Variants in PPFIBP2 observed in about 807,000 individuals in gnomAD.
PPFIBP2 encodes the protein liprin-beta-2.
A neutral mutation model predicts 118.3 loss-of-function variants in PPFIBP2; 118 were observed. The ratio of observed to expected loss-of-function variants is 1.00; its 90% CI spans 0.86 to 1.16. The LOEUF is 1.16. PPFIBP2 is among the 50% of genes most tolerant of loss of function. The probability of loss-of-function intolerance (pLI) is 0.00; values close to 1 mark genes in which losing one functional copy is unlikely to be tolerated. For missense variants in PPFIBP2, 1,195 were observed against 1,073.1 expected (o/e 1.11, Z -1.59); for synonymous variants, 414 against 397.4 (o/e 1.04, Z -0.50).
chr11:7,567,301 C>G (rs1156301234), intron 3 of PPFIBP2, among the ~76,000 whole-genome samples: 2 of 152,192 alleles, frequency 1.3e-5, no homozygotes, highest in African/African-American at 4.8e-5. Context: ...ACTTTTAAAA[C>G]AGTTTTTGGA....
At chr11:7,661,734 G>A (rs1590849710), downstream of PPFIBP2, among the ~76,000 whole-genome samples, 2 of 86,732 alleles carry the variant, frequency 2.3e-5, 1 homozygote, top group South Asian at 8.2e-4. Flanking sequence ...TCTGTCTAAT[G>A]TTGACAGTGG....
intron 2 of PPFIBP2, among the ~76,000 whole-genome samples, chr11:7,556,695 T>C (rs1027206411): frequency 2.2e-4 from 34 of 152,216 alleles, no homozygotes; most frequent in Non-Finnish European, 7.3e-5. Context: ...ATAGATTGTA[T>C]TAGTCGTCAT....
At chr11:7,543,686 G>A (rs1852012129) in intron 1 of PPFIBP2, among the ~76,000 whole-genome samples, 1 of 152,200 alleles carries the variant, frequency 6.6e-6, no homozygotes, top group African/African-American at 2.4e-5. Flanking sequence ...CAGCGTGGGT[G>A]GAGTAAACAA....
chr11:7,581,840 G>T (rs977062506), intron 3 of PPFIBP2, among the ~76,000 whole-genome samples: 5 of 150,504 alleles, frequency 3.3e-5, no homozygotes, highest in Admixed American at 6.6e-5. Context: ...TAGATAGATA[G>T]ATTTTTTTTT....
the PPFIBP2 span, chr11:7,666,320 C>T: frequency 1.6e-6 from 1 of 642,360 alleles, no homozygotes; most frequent in Non-Finnish European, 2.8e-6. Context: ...CCATCTGGAG[C>T]CAGAGCCCCA....
chr11:7,515,301 AT>A (rs1849138267), intron 1 of PPFIBP2, among the ~76,000 whole-genome samples: 1 of 152,204 alleles, frequency 6.6e-6, no homozygotes, highest in Non-Finnish European at 1.5e-5. Flanking sequence ...TAGTAATACT[AT>A]TTTAAGATTT....
chr11:7,562,719 C>T (rs1854433428), intron 2 of PPFIBP2, among the ~76,000 whole-genome samples: 1 of 151,758 alleles, frequency 6.6e-6, no homozygotes, highest in African/African-American at 2.4e-5. Context: ...GTTTCTTCTT[C>T]CCTTAGTTTT....
In PPFIBP2 at chr11:7,642,302, C is replaced by G; in HGVS notation, c.1522C>G (p.Arg508Gly). ...KGIKKFWGKIRRTQSGNFYTD... is the reference protein window; with the variant it reads ...KGIKKFWGKIGRTQSGNFYTD... ...CATGGATTCTTCTCCATGCAGAATCCGAAGAACTCAGTCAGGAAATTTCTA... is the reference window on the plus strand; with the variant it reads ...CATGGATTCTTCTCCATGCAGAATCGGAAGAACTCAGTCAGGAAATTTCTA... The change falls in exon 17 of 24, where the codon CGA (arginine) becomes GGA (glycine). Residue 508 changes from arginine (R) to glycine (G), a missense_variant. Coordinates refer to ENST00000299492, the MANE Select transcript of PPFIBP2 (RefSeq NM_003621.5). 8 of 1,613,918 alleles carry G rather than the reference C, an allele frequency of 5.0e-6. No individual in the cohort carries two copies. The highest frequency in any genetic ancestry group is 6.8e-6 in the Non-Finnish European group (8 of 1,179,936).
In PPFIBP2 at chr11:7,648,631, G is replaced by T. The variant is rs567094719; in HGVS notation, c.1797+94G>T. 5.7e-5 allele frequency: 89 copies of T among 1,550,042 alleles called. 1 individual carries two copies. The South Asian group carries it at 6.0e-4, about 10-fold the overall frequency. The stretch of plus-strand genomic sequence containing the variant: ...ACTCCTGTCACACATACACACAGGA[G>T]GATGGATGGAGGAGGCTGAGAGTTC... On this transcript the variant is annotated intron_variant, in intron 18 of 23. Coordinates refer to ENST00000299492, the MANE Select transcript of PPFIBP2 (RefSeq NM_003621.5).
intron 7 of PPFIBP2, 21 bp from the exon 8 acceptor site, chr11:7,625,756 G>A (rs746134757): frequency 8.1e-6 from 13 of 1,606,302 alleles, no homozygotes; most frequent in African/African-American, 1.3e-5. Flanking sequence ...ACCTGGTAGG[G>A]ATCCTCTGTT....
intron 3 of PPFIBP2, among the ~76,000 whole-genome samples, chr11:7,572,708 G>C (rs776815400): frequency 2.0e-5 from 3 of 152,198 alleles, no homozygotes; most frequent in South Asian, 2.1e-4. Flanking sequence ...GGGCAGGCAG[G>C]CTCCAGGGAA....
chr11:7,594,775 G>C (rs1294881347), intron 4 of PPFIBP2, among the ~76,000 whole-genome samples: 7 of 152,004 alleles, frequency 4.6e-5, no homozygotes, highest in Non-Finnish European at 7.4e-5. Flanking sequence ...AAATAAGCCA[G>C]GCATGGTGAT....
In PPFIBP2 at chr11:7,562,994, T is replaced by C. The variant is rs949440357; in HGVS notation, c.65-2559T>C. The stretch of plus-strand genomic sequence containing the variant: ...ATATATATACACGCACACACACATA[T>C]GCCTGTAAAACTTGGCACAGATATA... On this transcript the variant is annotated intron_variant, in intron 2 of 23. Transcript: ENST00000299492. Among the ~76,000 whole-genome samples the C allele has an allele frequency of 2.1e-3, 296 of 141,864 alleles. 7 individuals carry two copies. The highest frequency in any genetic ancestry group is 0.011 in the Middle Eastern group (3 of 278). 93.1% of individuals were successfully genotyped at this position (141,864 alleles called of 152,430 possible).
At chr11:7,587,382 A>C (rs1435426920) in intron 3 of PPFIBP2, among the ~76,000 whole-genome samples, 1 of 152,254 alleles carries the variant, frequency 6.6e-6, no homozygotes, top group Non-Finnish European at 1.5e-5. Flanking sequence ...TTTGCAATTC[A>C]GAACTATATC....
chr11:7,552,584 A>C (rs1248217877), intron 2 of PPFIBP2, among the ~76,000 whole-genome samples: 1 of 152,102 alleles, frequency 6.6e-6, no homozygotes, highest in East Asian at 1.9e-4. Context: ...TGAAAATGTA[A>C]ATTAAGTCAT....
At chr11:7,520,333 T>C (rs7481376) in intron 1 of PPFIBP2, among the ~76,000 whole-genome samples, 152,211 of 152,214 alleles carry the variant, frequency 1, 76,104 homozygotes, top group Middle Eastern at 1. Context: ...GGGTGGGTAT[T>C]TTCCGGCTGG....
At chr11:7,630,838 G>A (rs183450588) in intron 10 of PPFIBP2, 87 bp from the exon 11 acceptor site, 7 of 944,754 alleles carry the variant, frequency 7.4e-6, no homozygotes, top group East Asian at 2.4e-5. Context: ...CTTAATGAAG[G>A]AGAAACAATG....
intron 1 of PPFIBP2, among the ~76,000 whole-genome samples, chr11:7,539,876 G>C (rs1851595674): frequency 6.6e-6 from 1 of 152,246 alleles, no homozygotes; most frequent in African/African-American, 2.4e-5. Flanking sequence ...GCTCAGGGCA[G>C]GAGCCAGATA....
intron 5 of PPFIBP2, among the ~76,000 whole-genome samples, chr11:7,599,387 A>C (rs78871441): frequency 6.6e-6 from 1 of 152,226 alleles, no homozygotes; most frequent in Non-Finnish European, 1.5e-5. Flanking sequence ...GAGTAACCAC[A>C]TAATCAGAGG....
Sources: gnomAD v4.1 joint callset for allele counts (sites outside exome capture counted in the v4.1 genomes callset) on GRCh38, gnomAD v4.1.1 for gene constraint, MANE v1.5 for transcripts, NCBI Gene and HGNC (gene_info 2026-07-23, HGNC 2026-07-21) for gene names.